TPRG1: variants seen among roughly 807,000 people sequenced by gnomAD.
TPRG1 encodes tumor protein p63 regulated 1, also known as tumor protein p63-regulated gene 1 protein.
A neutral mutation model predicts 29.3 loss-of-function variants in TPRG1; 29 were observed. That is an observed-to-expected ratio of 0.99 (90% CI 0.74 to 1.35). The LOEUF (loss-of-function observed/expected upper bound fraction) is 1.35. Ranked by LOEUF, TPRG1 falls within the 40% of genes most tolerant of loss-of-function variation. The pLI is 0.00. For synonymous variants in TPRG1, 130 were observed against 116.8 expected (o/e 1.11, Z -0.73); for missense variants, 327 against 335.0 (o/e 0.98, Z 0.19).
intron 1 of TPRG1, among the ~76,000 whole-genome samples, chr3:189,103,150 A>G (rs891033161): frequency 3.3e-5 from 5 of 152,164 alleles, no homozygotes; most frequent in African/African-American, 1.2e-4. Context: ...ACAGCAGCCC[A>G]GTGACCAAAG....
intron 1 of TPRG1, among the ~76,000 whole-genome samples, chr3:189,181,870 T>A (rs1964486): frequency 6.6e-6 from 1 of 151,966 alleles, no homozygotes; most frequent in African/African-American, 2.4e-5. Context: ...GGGCAATTTA[T>A]GAAAGAAAGA....
chr3:189,114,519 G>T (rs1720942834), intron 1 of TPRG1, among the ~76,000 whole-genome samples: 1 of 152,144 alleles, frequency 6.6e-6, no homozygotes, highest in Non-Finnish European at 1.5e-5. Context: ...CTGACCTCAG[G>T]TGATCTGCCC....
chr3:189,149,024 C>T (rs891583043), intron 4 of TPRG1, among the ~76,000 whole-genome samples: 1 of 152,208 alleles, frequency 6.6e-6, no homozygotes, highest in Admixed American at 6.5e-5. Context: ...GTGTTAGCAC[C>T]AGCTTCGTCC....
intron 3 of TPRG1, among the ~76,000 whole-genome samples, chr3:189,146,362 A>G (rs1051411667): frequency 6.6e-6 from 1 of 152,198 alleles, no homozygotes; most frequent in Non-Finnish European, 1.5e-5. Context: ...TCTGAGGAAG[A>G]CTTAGACAAT....
chr3:189,238,055 C>T (rs1172896453), intron 3 of TPRG1, among the ~76,000 whole-genome samples: 1 of 152,182 alleles, frequency 6.6e-6, no homozygotes, highest in Non-Finnish European at 1.5e-5. Context: ...CAGAATGTTA[C>T]ATGTGTGTCC....
chr3:189,284,149 C>T (rs1337647012), intron 4 of TPRG1, among the ~76,000 whole-genome samples: 1 of 151,786 alleles, frequency 6.6e-6, no homozygotes, highest in Non-Finnish European at 1.5e-5. Flanking sequence ...ACATTTTCTG[C>T]TTGCATCCCT....
intron 4 of TPRG1, among the ~76,000 whole-genome samples, chr3:189,282,215 CAAAA>C (rs577174841): frequency 2.1e-5 from 2 of 94,740 alleles, no homozygotes; most frequent in Admixed American, 1.2e-4. Flanking sequence ...TAGTCCTTTC[CAAAA>C]AAAAAAAAAA....
chr3:189,148,025 A>G (rs552016174), intron 4 of TPRG1, among the ~76,000 whole-genome samples: 2 of 152,322 alleles, frequency 1.3e-5, no homozygotes, highest in East Asian at 3.9e-4. Context: ...GTAGCAGCAT[A>G]TAGGGAATAC....
intron 5 of TPRG1, 75 bp downstream of exon 5, chr3:189,310,614 C>T: frequency 1.3e-6 from 1 of 788,302 alleles, no homozygotes; most frequent in Non-Finnish European, 1.8e-6. Flanking sequence ...ACGTGTACTC[C>T]TAAACAAAAC....
Position 189,012,398 on chromosome 3 carries a change from T to C in TPRG1, c.-660+7638T>C, listed in dbSNP as rs563956841. Among the ~76,000 whole-genome samples the C allele has an allele frequency of 2.6e-5, 4 of 152,352 alleles. No individual in the cohort carries two copies. In the East Asian group the frequency reaches 7.7e-4, roughly 29 times the overall value. On this transcript the variant is annotated intron_variant, in intron 3 of 10. Coordinates refer to the TPRG1 transcript ENST00000433971. Reference sequence around the variant, plus strand: ...GCATTTGAGATAATCATGTGGTTTTTGTCTTTAAGTATGTGATGAATTATG... The same window carrying C: ...GCATTTGAGATAATCATGTGGTTTTCGTCTTTAAGTATGTGATGAATTATG...
intron 4 of TPRG1, among the ~76,000 whole-genome samples, chr3:189,057,831 CACAT>C (rs201331022): frequency 2.5e-5 from 3 of 120,664 alleles, no homozygotes; most frequent in African/African-American, 1.3e-4. Flanking sequence ...TATATATACA[CACAT>C]ATGTATGTGT....
At chr3:189,088,655 A>G (rs1718124630) in intron 4 of TPRG1, among the ~76,000 whole-genome samples, 1 of 152,124 alleles carries the variant, frequency 6.6e-6, no homozygotes, top group African/African-American at 2.4e-5. Flanking sequence ...ATCTATATCT[A>G]TATATTTTCA....
At chr3:189,233,427 T>G (rs1738984408) in intron 3 of TPRG1, among the ~76,000 whole-genome samples, 1 of 152,130 alleles carries the variant, frequency 6.6e-6, no homozygotes, top group Non-Finnish European at 1.5e-5. Context: ...AGTTGCCTGT[T>G]GCCCTCTGCT....
chr3:189,318,581 G>T (rs1048701045), intron 5 of TPRG1, among the ~76,000 whole-genome samples: 4 of 152,066 alleles, frequency 2.6e-5, no homozygotes, highest in African/African-American at 9.7e-5. Flanking sequence ...ATATAAAACT[G>T]ATCATAAAAA....
At chr3:189,104,260 A>G (rs1211125556) in intron 1 of TPRG1, among the ~76,000 whole-genome samples, 2 of 152,228 alleles carry the variant, frequency 1.3e-5, no homozygotes, top group East Asian at 1.9e-4. Context: ...AATAGCATCT[A>G]CCTCACAGGC....
At chr3:189,025,661 C>T (rs1012168393) in intron 4 of TPRG1, among the ~76,000 whole-genome samples, 4 of 152,074 alleles carry the variant, frequency 2.6e-5, no homozygotes, top group Non-Finnish European at 5.9e-5. Context: ...GACATGTCCT[C>T]TGAAATAAGG....
chr3:189,031,094 A>G (rs1442296415), intron 4 of TPRG1, among the ~76,000 whole-genome samples: 1 of 152,182 alleles, frequency 6.6e-6, no homozygotes, highest in Non-Finnish European at 1.5e-5. Context: ...CAGCCTGGCC[A>G]ACATGGAGAA....
intron 1 of TPRG1, among the ~76,000 whole-genome samples, chr3:189,180,391 C>T (rs1282571676): frequency 6.6e-6 from 1 of 152,190 alleles, no homozygotes; most frequent in Non-Finnish European, 1.5e-5. Context: ...TCCCTTCCAC[C>T]TATGAGCCTG....
At chr3:189,118,405 C>T (rs1721427002) in intron 1 of TPRG1, among the ~76,000 whole-genome samples, 1 of 152,166 alleles carries the variant, frequency 6.6e-6, no homozygotes, top group Non-Finnish European at 1.5e-5. Context: ...AAGAAAACCC[C>T]ATTTTCTGGG....
Sources: gnomAD v4.1 joint callset for allele counts (sites outside exome capture counted in the v4.1 genomes callset) on GRCh38, gnomAD v4.1.1 for gene constraint, MANE v1.5 for transcripts, NCBI Gene and HGNC (gene_info 2026-07-23, HGNC 2026-07-21) for gene names.